The following NDUFAF6 variants were observed in gnomAD, a reference collection of about 807,000 sequenced individuals.
NDUFAF6 encodes the protein NADH:ubiquinone oxidoreductase complex assembly factor 6.
In NDUFAF6, 45 loss-of-function variants were observed where a neutral mutation model predicts 40.8. The observed-to-expected ratio is 1.10, with a 90% CI of 0.87 to 1.42. The LOEUF (loss-of-function observed/expected upper bound fraction) is 1.42, where lower values mean the gene tolerates loss of function less well. Among genes scored for constraint, NDUFAF6 ranks in the 40% most tolerant of loss-of-function variants. NDUFAF6 has a pLI of 0.00. For synonymous variants in NDUFAF6, 185 were observed against 155.9 expected (o/e 1.19, Z -1.39); for missense variants, 435 against 418.5 (o/e 1.04, Z -0.34).
intron 2 of NDUFAF6, among the ~76,000 whole-genome samples, chr8:94,989,619 C>T (rs1158721948): frequency 6.6e-6 from 1 of 152,192 alleles, no homozygotes; most frequent in Non-Finnish European, 1.5e-5. Context: ...TGATGAGGCA[C>T]TTTCACTCAG....
chr8:95,058,341 A>T lies in NDUFAF6; in HGVS notation c.*404A>T. 1 of 1,245,348 alleles carries T rather than the reference A, an allele frequency of 8.0e-7. No homozygotes were observed. The highest frequency in any genetic ancestry group is 1.0e-6 in the Non-Finnish European group (1 of 996,028). The allele number at this position is 1,245,348 out of a possible 1,614,324, so 77.1% of individuals were successfully genotyped here. On this transcript the variant is annotated 3_prime_UTR_variant, in exon 9 of 9. Coordinates refer to ENST00000396124, the MANE Select transcript of NDUFAF6 (RefSeq NM_152416.4). The stretch of plus-strand genomic sequence containing the variant: ...AGGGGCTTACATGCTGAGCAGCTAT[A>T]ACCTAGGTGTTCAGAACACCTGGAA...
At chr8:94,990,582 A>C (rs1826149254) in intron 2 of NDUFAF6, among the ~76,000 whole-genome samples, 1 of 152,152 alleles carries the variant, frequency 6.6e-6, no homozygotes, top group African/African-American at 2.4e-5. Flanking sequence ...AGGACCACTC[A>C]TGTCTTGTGT....
At chr8:95,020,193 T>G (rs117928309), upstream of NDUFAF6, among the ~76,000 whole-genome samples, 2,160 of 152,098 alleles carry the variant, frequency 0.014, 21 homozygotes, top group South Asian at 0.021. Flanking sequence ...GAGTGAAACT[T>G]TGTCTCAAAA....
intron 1 of NDUFAF6, among the ~76,000 whole-genome samples, chr8:94,914,804 C>G (rs962247261): frequency 6.6e-6 from 1 of 151,406 alleles, no homozygotes; most frequent in Admixed American, 6.6e-5. Flanking sequence ...GTAATCCCAG[C>G]TACCTGGGAG....
intron 2 of NDUFAF6, among the ~76,000 whole-genome samples, chr8:94,981,820 T>A (rs1272513912): frequency 6.6e-6 from 1 of 151,762 alleles, no homozygotes; most frequent in African/African-American, 2.4e-5. Flanking sequence ...CACTGCATAA[T>A]GACATTTTGG....
chr8:95,005,554 A>ATATATATATAT (rs1554657858), intron 2 of NDUFAF6, among the ~76,000 whole-genome samples: 1,518 of 115,246 alleles, frequency 0.013, 56 homozygotes, highest in African/African-American at 0.018. Context: ...TATATATATA[A>ATATATATATAT]AAAATATATT....
intron 1 of NDUFAF6, among the ~76,000 whole-genome samples, chr8:94,924,803 C>G (rs1175959867): frequency 6.6e-6 from 1 of 152,100 alleles, no homozygotes. Context: ...AGTGCAGTGG[C>G]ATGATCTTGG....
intron 2 of NDUFAF6, among the ~76,000 whole-genome samples, chr8:94,990,671 C>T (rs561189935): frequency 1.3e-5 from 2 of 152,214 alleles, no homozygotes; most frequent in Non-Finnish European, 2.9e-5. Context: ...CTACTGCATT[C>T]AAGGCTGGAA....
At chr8:95,059,312 T>A (rs1204451208), downstream of NDUFAF6, among the ~76,000 whole-genome samples, 2 of 152,186 alleles carry the variant, frequency 1.3e-5, no homozygotes, top group African/African-American at 2.4e-5. Flanking sequence ...TTTTGCAAAT[T>A]CAAACTGAGA....
At chr8:95,046,906 A>G in intron 5 of NDUFAF6, 88 bp from the exon 6 acceptor site, 1 of 1,559,260 alleles carries the variant, frequency 6.4e-7, no homozygotes, top group Non-Finnish European at 8.8e-7. Context: ...GTCTCCTTTT[A>G]CATGTTTAGG....
intron 2 of NDUFAF6, among the ~76,000 whole-genome samples, chr8:95,017,684 T>A (rs905940517): frequency 2.0e-5 from 3 of 152,208 alleles, no homozygotes; most frequent in African/African-American, 4.8e-5. Context: ...ATAACAAAAG[T>A]GTTTATCTGC....
At chr8:94,930,420 C>CT in intron 1 of NDUFAF6, 1 of 1,598,784 alleles carries the variant, frequency 6.3e-7, no homozygotes, top group Non-Finnish European at 8.6e-7. Context: ...TGTACATATA[C>CT]ACACATCCAT....
chr8:95,069,448 T>C (rs1460627881), intron 9 of NDUFAF6, among the ~76,000 whole-genome samples: 2 of 151,850 alleles, frequency 1.3e-5, no homozygotes, highest in African/African-American at 4.9e-5. Context: ...AGCTCTGCTT[T>C]CACATAGTTG....
rs1554657790 is a variant in NDUFAF6, at chr8:95,005,526, A to AAAATATATATATAT, written c.-84+24554_-84+24555insAATATATATATATA. On this transcript the variant is annotated intron_variant, in intron 2 of 9. Transcript: ENST00000396111. Reference sequence around the variant, plus strand: ...CCTCAGGGGAGGACTGGTCCTTTTAAATATATATATATATATATATATATA... The same window carrying AAAATATATATATAT: ...CCTCAGGGGAGGACTGGTCCTTTTAAAAATATATATATATATATATATATATATATATATATATA... Among the ~76,000 whole-genome samples the AAAATATATATATAT allele has an allele frequency of 6.9e-4, 5 of 7,272 alleles. No individual in the cohort carries two copies. In the South Asian group the frequency reaches 8.9e-3, roughly 13 times the overall value. The allele number at this position is 7,272 out of a possible 152,430, so 4.8% of individuals were successfully genotyped here.
At position 95,025,138 on chromosome 8, in the gene NDUFAF6, C is replaced by A; in HGVS notation, c.130C>A (p.Arg44=). 2 of 1,485,074 alleles carry A rather than the reference C, an allele frequency of 1.3e-6. No homozygotes were observed. The highest frequency in any genetic ancestry group is 2.6e-5 in the South Asian group (2 of 78,180). The allele number at this position is 1,485,074 out of a possible 1,614,324, so 92.0% of individuals were successfully genotyped here. Residue 44 remains arginine (R), a synonymous_variant, in exon 1 of 9, where the codon CGG becomes AGG. Transcript: ENST00000396124. The part of the protein sequence containing the change: ...RRLPGPEVSG[R]SVAAASGPGA... Reference sequence around the variant, plus strand: ...GCTGCCCGGGCCGGAGGTGTCTGGGCGGAGCGTGGCTGCGGCCAGCGGACC... The same window carrying A: ...GCTGCCCGGGCCGGAGGTGTCTGGGAGGAGCGTGGCTGCGGCCAGCGGACC...
chr8:95,062,140 G>A (rs1468811818), downstream of NDUFAF6, among the ~76,000 whole-genome samples: 1 of 149,952 alleles, frequency 6.7e-6, no homozygotes, highest in Non-Finnish European at 1.5e-5. Flanking sequence ...CAGCCTGGGC[G>A]ACAGAGACCG....
chr8:94,979,189 T>C (rs1166318809), intron 1 of NDUFAF6, among the ~76,000 whole-genome samples: 1 of 152,224 alleles, frequency 6.6e-6, no homozygotes. Context: ...TTTTCTCAGA[T>C]GCAAATCCCC....
intron 1 of NDUFAF6, among the ~76,000 whole-genome samples, chr8:94,905,288 GTT>G (rs34379696): frequency 0.011 from 1,537 of 139,720 alleles, 13 homozygotes; most frequent in Admixed American, 0.015. Context: ...TCCTTTTCAG[GTT>G]TTTTTTTTTT....
At position 94,924,215 on chromosome 8, in the gene NDUFAF6, C is replaced by T. The variant is rs554680875; in HGVS notation, c.-935-21268C>T. 8.5e-5 allele frequency among the ~76,000 whole-genome samples: 13 copies of T among 152,270 alleles called. No individual in the cohort carries two copies. In the East Asian group the frequency reaches 1.9e-3, roughly 23 times the overall value. ...AGCTGGGATTAACAGGGGCACGCCA[C>T]CACGCCCGTCTAATTTTTGTATTTT... On this transcript the variant is annotated intron_variant, in intron 1 of 14. Transcript: ENST00000396113.
Sources: gnomAD v4.1 joint callset for allele counts (sites outside exome capture counted in the v4.1 genomes callset) on GRCh38, gnomAD v4.1.1 for gene constraint, MANE v1.5 for transcripts, NCBI Gene and HGNC (gene_info 2026-07-23, HGNC 2026-07-21) for gene names.